Variants in PDE4D observed in about 807,000 individuals in gnomAD.
PDE4D encodes the protein 3',5'-cyclic-AMP phosphodiesterase 4D.
In PDE4D, 24 loss-of-function variants were observed where a neutral mutation model predicts 87.4. That is an observed-to-expected ratio of 0.27 (90% CI 0.20 to 0.39). The LOEUF (loss-of-function observed/expected upper bound fraction) is 0.39. PDE4D is among the 10% of genes least tolerant of loss of function. The pLI is 1.00. For synonymous variants in PDE4D, 384 were observed against 383.2 expected (o/e 1.00, Z -0.02); for missense variants, 714 against 1,041.0 (o/e 0.69, Z 4.32).
At chr5:59,312,440 G>A (rs564345723) in intron 1 of PDE4D, among the ~76,000 whole-genome samples, 32 of 152,258 alleles carry the variant, frequency 2.1e-4, no homozygotes, top group South Asian at 8.3e-4. Context: ...ATGCCAAAGC[G>A]GGAATATGGG....
intron 1 of PDE4D, among the ~76,000 whole-genome samples, chr5:59,716,589 C>T (rs1247309321): frequency 6.6e-6 from 1 of 152,184 alleles, no homozygotes. Flanking sequence ...AACCTCTGGT[C>T]ACGGACCTCA....
chr5:59,652,439 T>C (rs1273706082), intron 1 of PDE4D, among the ~76,000 whole-genome samples: 2 of 152,234 alleles, frequency 1.3e-5, no homozygotes, highest in Admixed American at 6.5e-5. Context: ...CAGCCTAGAT[T>C]CTTTGCTTGC....
At position 58,974,099 on chromosome 5, in the gene PDE4D, T is replaced by TATC; in HGVS notation, c.*562_*564dup. On this transcript the variant is annotated 3_prime_UTR_variant, in exon 15 of 15. Transcript: ENST00000340635. ...AGCTCTACAAAAAATCTGTTTTACA[T>TATC]ATCATACAAAATGTAGAGGTCAGTG... The TATC allele has an allele frequency of 6.5e-6, 1 of 152,738 alleles. No individual in the cohort carries two copies. Among genetic ancestry groups the TATC allele is most frequent in the African/African-American group, 2.4e-5 (1 of 41,582 alleles). 9.5% of individuals were successfully genotyped at this position (152,738 alleles called of 1,614,324 possible).
intron 1 of PDE4D, among the ~76,000 whole-genome samples, chr5:59,288,905 G>A (rs1339432639): frequency 6.6e-6 from 1 of 152,018 alleles, no homozygotes; most frequent in Non-Finnish European, 1.5e-5. Flanking sequence ...GCTGAGGGAT[G>A]TCATCAACAC....
chr5:59,875,807 C>A (rs1046496836), intron 1 of PDE4D, among the ~76,000 whole-genome samples: 1 of 152,084 alleles, frequency 6.6e-6, no homozygotes, highest in Non-Finnish European at 1.5e-5. Context: ...ATGTCTTATG[C>A]AGGGACATGA....
intron 1 of PDE4D, among the ~76,000 whole-genome samples, chr5:59,612,715 G>C (rs1313245921): frequency 6.6e-6 from 1 of 152,166 alleles, no homozygotes; most frequent in Non-Finnish European, 1.5e-5. Context: ...TAAAAGGATA[G>C]CCTCACTCTG....
intron 1 of PDE4D, among the ~76,000 whole-genome samples, chr5:59,238,660 C>T (rs1757000164): frequency 6.6e-6 from 1 of 152,214 alleles, no homozygotes; most frequent in East Asian, 1.9e-4. Flanking sequence ...AGAAATGGTT[C>T]CTCTGAGTCA....
At chr5:60,457,172 A>T (rs943998824) in intron 1 of PDE4D, among the ~76,000 whole-genome samples, 3 of 152,214 alleles carry the variant, frequency 2.0e-5, no homozygotes, top group Non-Finnish European at 4.4e-5. Context: ...GACTTGTCCT[A>T]ATAGATTTGC....
chr5:60,199,186 C>A (rs1741620877), intron 1 of PDE4D, among the ~76,000 whole-genome samples: 1 of 151,798 alleles, frequency 6.6e-6, no homozygotes, highest in South Asian at 2.1e-4. Flanking sequence ...CAACTCTTAA[C>A]TGCTAGGACA....
chr5:59,313,764 A>T (rs1003159973), intron 1 of PDE4D, among the ~76,000 whole-genome samples: 12 of 152,152 alleles, frequency 7.9e-5, no homozygotes, highest in Non-Finnish European at 2.9e-5. Flanking sequence ...CAACTTGTGT[A>T]CCCACCCAGG....
In PDE4D at chr5:60,165,177, C is replaced by T. The variant is rs1165734197; in HGVS notation, c.42+20380G>A. On this transcript the variant is annotated intron_variant, in intron 2 of 16. Coordinates refer to the PDE4D transcript ENST00000502484. ...CTTATTTAACCTAACATGAGGTTCT[C>T]CAGGTTCATCCATGTTGTTGCATGG... 2.6e-5 allele frequency among the ~76,000 whole-genome samples: 4 copies of T among 152,080 alleles called. No individual in the cohort carries two copies. In the South Asian group the frequency reaches 6.2e-4, roughly 24 times the overall value.
intron 1 of PDE4D, among the ~76,000 whole-genome samples, chr5:59,687,286 T>C (rs979401999): frequency 2.0e-4 from 30 of 152,076 alleles, no homozygotes; most frequent in Non-Finnish European, 4.0e-4. Flanking sequence ...TCAGATTCAC[T>C]AAAGTTGAAA....
At chr5:59,565,312 A>G (rs1340572370) in intron 1 of PDE4D, among the ~76,000 whole-genome samples, 2 of 152,140 alleles carry the variant, frequency 1.3e-5, no homozygotes, top group African/African-American at 2.4e-5. Context: ...TGAGCCCGGG[A>G]GATCAAAACC....
intron 1 of PDE4D, among the ~76,000 whole-genome samples, chr5:59,326,510 T>A (rs1775693565): frequency 6.6e-6 from 1 of 152,084 alleles, no homozygotes; most frequent in Non-Finnish European, 1.5e-5. Flanking sequence ...AAAAATATAA[T>A]ACACACTCTG....
intron 6 of PDE4D, chr5:58,999,922 A>C (rs533891245): frequency 2.0e-6 from 2 of 985,944 alleles, no homozygotes; most frequent in African/African-American, 3.5e-5. Flanking sequence ...AAAGCTACCA[A>C]ATAAGGAACT....
At chr5:60,270,801 A>C (rs1022584063) in intron 1 of PDE4D, among the ~76,000 whole-genome samples, 2 of 152,196 alleles carry the variant, frequency 1.3e-5, no homozygotes, top group African/African-American at 4.8e-5. Flanking sequence ...CCCTGGACTT[A>C]AATTTAAAAT....
At chr5:60,308,347 T>A (rs111593158) in intron 1 of PDE4D, among the ~76,000 whole-genome samples, 1 of 152,240 alleles carries the variant, frequency 6.6e-6, no homozygotes, top group Non-Finnish European at 1.5e-5. Flanking sequence ...TAATTTTATT[T>A]TGAAAATTTT....
At chr5:59,487,384 G>A (rs10461660) in intron 1 of PDE4D, among the ~76,000 whole-genome samples, 313 of 152,136 alleles carry the variant, frequency 2.1e-3, no homozygotes, top group African/African-American at 7.2e-3. Context: ...GGTTTTTTTC[G>A]TGTTCAGTTA....
At chr5:59,732,206 A>G (rs1239361963) in intron 1 of PDE4D, among the ~76,000 whole-genome samples, 1 of 152,178 alleles carries the variant, frequency 6.6e-6, no homozygotes, top group Non-Finnish European at 1.5e-5. Flanking sequence ...TTCATTGTAC[A>G]TAGTGTGAAT....
Sources: gnomAD v4.1 joint callset for allele counts (sites outside exome capture counted in the v4.1 genomes callset) on GRCh38, gnomAD v4.1.1 for gene constraint, MANE v1.5 for transcripts, NCBI Gene and HGNC (gene_info 2026-07-23, HGNC 2026-07-21) for gene names.